The following NXPE2 variants were observed in gnomAD, a reference collection of about 807,000 sequenced individuals.
The protein encoded by NXPE2 is NXPE family member 2.
A neutral mutation model predicts 34.4 loss-of-function variants in NXPE2; 34 were observed. The ratio of observed to expected loss-of-function variants is 0.99; its 90% CI spans 0.75 to 1.31. The LOEUF is 1.31. Ranked by LOEUF, NXPE2 falls within the 40% of genes most tolerant of loss-of-function variation. The pLI, the probability that NXPE2 is intolerant of heterozygous loss-of-function variation, is 0.00. For synonymous variants in NXPE2, 235 were observed against 231.3 expected (o/e 1.02, Z -0.15); for missense variants, 649 against 672.5 (o/e 0.97, Z 0.39).
chr11:114,726,967 T>TCTCTACAGCTCTC, the NXPE2 span, among the ~76,000 whole-genome samples: 95,992 of 151,634 alleles, frequency 0.63, 30,735 homozygotes, highest in Middle Eastern at 0.81. Flanking sequence ...ACAGAAGCTT[T>TCTCTACAGCTCTC]CTCTTTCTTT....
the NXPE2 span, among the ~76,000 whole-genome samples, chr11:114,723,760 C>T: frequency 1.2e-4 from 18 of 152,222 alleles, no homozygotes; most frequent in African/African-American, 3.9e-4. Flanking sequence ...GCAACTAGTG[C>T]AAGCACTGAT....
the NXPE2 span, chr11:114,584,745 TC>T: frequency 6.5e-6 from 1 of 152,728 alleles, no homozygotes; most frequent in Non-Finnish European, 1.5e-5. Flanking sequence ...AATCTTTCTC[TC>T]CCAAACCCTC....
the NXPE2 span, among the ~76,000 whole-genome samples, chr11:114,499,752 T>G: frequency 6.6e-6 from 1 of 152,150 alleles, no homozygotes; most frequent in Admixed American, 6.6e-5. Flanking sequence ...ACCCCAAATG[T>G]TCTCTCATGT....
upstream of NXPE2, among the ~76,000 whole-genome samples, chr11:114,675,931 C>A (rs1275247528): frequency 2.0e-5 from 3 of 151,812 alleles, no homozygotes; most frequent in African/African-American, 7.3e-5. Flanking sequence ...ATAGAGACCC[C>A]AGAAATAAAT....
At chr11:114,602,068 A>G in the NXPE2 span, among the ~76,000 whole-genome samples, 1 of 93,696 alleles carries the variant, frequency 1.1e-5, no homozygotes, top group African/African-American at 4.4e-5. Context: ...ATATTATAAT[A>G]TATATTCTAT....
the NXPE2 span, among the ~76,000 whole-genome samples, chr11:114,624,878 A>T: frequency 1.4e-5 from 2 of 144,678 alleles, no homozygotes; most frequent in East Asian, 2.2e-4. Flanking sequence ...AAACCACTGT[A>T]ACCTGGTGGA....
chr11:114,704,954 C>T (rs1214926380), intron 4 of NXPE2, among the ~76,000 whole-genome samples: 2 of 152,140 alleles, frequency 1.3e-5, no homozygotes, highest in African/African-American at 4.8e-5. Context: ...AAGATAGTAC[C>T]AGACTGTAAT....
At chr11:114,793,240 T>C in the NXPE2 span, among the ~76,000 whole-genome samples, 1 of 152,354 alleles carries the variant, frequency 6.6e-6, no homozygotes, top group African/African-American at 2.4e-5. Flanking sequence ...GCTTCAATTT[T>C]CCTTCAGTTG....
At chr11:114,708,641 G>T (rs984549127), downstream of NXPE2, among the ~76,000 whole-genome samples, 1 of 138,928 alleles carries the variant, frequency 7.2e-6, no homozygotes, top group Non-Finnish European at 1.6e-5. Context: ...AAAAAAAAAA[G>T]AAAAGAAAAG....
chr11:114,801,812 C>T, the NXPE2 span, among the ~76,000 whole-genome samples: 1 of 151,984 alleles, frequency 6.6e-6, no homozygotes, highest in Non-Finnish European at 1.5e-5. Context: ...ATTGGTGGTA[C>T]TATTTACTGA....
chr11:114,776,123 G>A, the NXPE2 span, among the ~76,000 whole-genome samples: 1 of 152,232 alleles, frequency 6.6e-6, no homozygotes, highest in East Asian at 1.9e-4. Context: ...GGCCAGAAGT[G>A]CTCCTGTGTC....
At chr11:114,549,008 T>C in the NXPE2 span, among the ~76,000 whole-genome samples, 1 of 151,968 alleles carries the variant, frequency 6.6e-6, no homozygotes, top group Non-Finnish European at 1.5e-5. Flanking sequence ...AGTAACAAGA[T>C]GATTTTCACA....
the NXPE2 span, among the ~76,000 whole-genome samples, chr11:114,800,798 C>CACAGGATTTCTATGGGGATTAA: frequency 5.9e-5 from 9 of 151,994 alleles, no homozygotes; most frequent in Admixed American, 2.0e-4. Context: ...ATACCCACCT[C>CACAGGATTTCTATGGGGATTAA]ACAGGATTTC....
the NXPE2 span, among the ~76,000 whole-genome samples, chr11:114,632,977 T>G: frequency 1.9e-5 from 2 of 103,714 alleles, no homozygotes; most frequent in Non-Finnish European, 3.4e-5. Flanking sequence ...TATTATATAT[T>G]ATATATTTTT....
At chr11:114,802,419 T>C in the NXPE2 span, among the ~76,000 whole-genome samples, 2 of 152,236 alleles carry the variant, frequency 1.3e-5, no homozygotes, top group Non-Finnish European at 2.9e-5. Context: ...TGAAATATCC[T>C]ACAGAAGATC....
the NXPE2 span, among the ~76,000 whole-genome samples, chr11:114,470,108 T>A: frequency 1.3e-5 from 2 of 152,198 alleles, no homozygotes; most frequent in African/African-American, 4.8e-5. Flanking sequence ...GATGGACATG[T>A]GGGTTGTTTC....
At chr11:114,654,037 C>A in the NXPE2 span, among the ~76,000 whole-genome samples, 1 of 152,074 alleles carries the variant, frequency 6.6e-6, no homozygotes, top group Non-Finnish European at 1.5e-5. Flanking sequence ...ATAGGAAAAT[C>A]AAGTTATGTT....
the NXPE2 span, among the ~76,000 whole-genome samples, chr11:114,754,688 G>T: frequency 6.6e-6 from 1 of 151,900 alleles, no homozygotes; most frequent in East Asian, 1.9e-4. Flanking sequence ...GGTGGGTATG[G>T]CAATGCCAGG....
chr11:114,775,880 G>GAAAA, the NXPE2 span, among the ~76,000 whole-genome samples: 14 of 144,130 alleles, frequency 9.7e-5, no homozygotes, highest in East Asian at 6.0e-4. Context: ...ACAAAAAAAC[G>GAAAA]AAAAAAAAAA....
Sources: gnomAD v4.1 joint callset for allele counts (sites outside exome capture counted in the v4.1 genomes callset) on GRCh38, gnomAD v4.1.1 for gene constraint, MANE v1.5 for transcripts, NCBI Gene and HGNC (gene_info 2026-07-23, HGNC 2026-07-21) for gene names.